The following PGBD5 variants were observed in gnomAD, a reference collection of about 807,000 sequenced individuals.
PGBD5 encodes the protein piggyBac transposable element-derived protein 5.
Under a neutral mutation model 47.9 loss-of-function variants are expected in PGBD5, and 14 were observed. The observed-to-expected ratio is 0.29, with a 90% confidence interval of 0.19 to 0.46. The LOEUF is 0.46. Ranked by LOEUF, PGBD5 falls within the 20% of genes least tolerant of loss-of-function variation. The probability of loss-of-function intolerance (pLI) is 1.00; values close to 1 mark genes in which losing one functional copy is unlikely to be tolerated. For synonymous variants in PGBD5, 316 were observed against 306.3 expected, an observed-to-expected ratio of 1.03 and a Z score of -0.33; for missense variants, 635 against 716.0, an observed-to-expected ratio of 0.89 and a Z score of 1.29.
chr1:230,373,033 A>C (rs977599767), intron 1 of PGBD5, among the ~76,000 whole-genome samples: 1 of 152,208 alleles, frequency 6.6e-6, no homozygotes, highest in African/African-American at 2.4e-5. Context: ...CACTTTAATA[A>C]AGGCTTCATG....
intron 5 of PGBD5, among the ~76,000 whole-genome samples, chr1:230,327,802 C>T (rs1282596089): frequency 6.6e-6 from 1 of 152,252 alleles, no homozygotes; most frequent in Non-Finnish European, 1.5e-5. Context: ...TTCCTGTCCC[C>T]GGCCCCTTAT....
chr1:230,331,395 G>A (rs531891306), intron 5 of PGBD5, among the ~76,000 whole-genome samples: 4 of 152,138 alleles, frequency 2.6e-5, no homozygotes, highest in East Asian at 1.9e-4. Flanking sequence ...CAGCCTGGGC[G>A]ACAGAGCAAC....
intron 1 of PGBD5, among the ~76,000 whole-genome samples, chr1:230,402,783 C>T (rs571030087): frequency 1.9e-4 from 29 of 152,298 alleles, no homozygotes; most frequent in South Asian, 1.0e-3. Context: ...CCCCAGTGCC[C>T]AGCCAGCAAC....
chr1:230,385,143 C>T (rs867390642), intron 1 of PGBD5, among the ~76,000 whole-genome samples: 1 of 152,152 alleles, frequency 6.6e-6, no homozygotes, highest in Middle Eastern at 3.4e-3. Flanking sequence ...TTCAGTCTCG[C>T]GCACGTGTTA....
rs546981493 is a variant in PGBD5, at chr1:230,422,298, C to G, written c.331+3300G>C. 9.4e-4 allele frequency among the ~76,000 whole-genome samples: 143 copies of G among 152,232 alleles called. 1 individual carries two copies. Among genetic ancestry groups the G allele is most frequent in the African/African-American group, 3.2e-3 (133 of 41,532 alleles). On this transcript the variant is annotated intron_variant, in intron 1 of 6. Coordinates refer to ENST00000391860, the MANE Select transcript of PGBD5 (RefSeq NM_001258311.2). ...CTCCTCCGAGAAACGAATCACAAGA[C>G]TGCTCAGAATAAGAAACCAAAAGGG... is the stretch of plus-strand genomic sequence containing the variant.
At chr1:230,423,434 C>T (rs999765120) in intron 1 of PGBD5, among the ~76,000 whole-genome samples, 1 of 152,130 alleles carries the variant, frequency 6.6e-6, no homozygotes, top group African/African-American at 2.4e-5. Context: ...CTCTGGTAAA[C>T]CCTAGCAGGC....
intron 6 of PGBD5, among the ~76,000 whole-genome samples, chr1:230,324,163 T>C (rs1381149641): frequency 6.6e-6 from 1 of 152,184 alleles, no homozygotes; most frequent in African/African-American, 2.4e-5. Flanking sequence ...TTGGGAGCAC[T>C]AGCCTCAGGC....
rs1657772447 is a variant in PGBD5, at chr1:230,425,946, G to C, written c.-18C>G. ...TCGGCCATGGCCCCGGCCGCCGCCC[G>C]CGCGCCCGCCCCCACAGTGCCTCCC... On this transcript the variant is annotated 5_prime_UTR_variant, in exon 1 of 7. Coordinates refer to ENST00000391860, the MANE Select transcript of PGBD5 (RefSeq NM_001258311.2). This position sits in a 1 kb window ranked among gnomAD's most constrained non-coding sequence, Gnocchi z 4.7. The C allele has an allele frequency of 7.2e-6, 6 of 830,238 alleles. No individual in the cohort carries two copies. The highest frequency in any genetic ancestry group is 1.2e-4 in the African/African-American group (2 of 16,282). The allele number at this position is 830,238 out of a possible 1,614,324, so 51.4% of individuals were successfully genotyped here.
chr1:230,347,610 T>G (rs12058094), intron 3 of PGBD5, among the ~76,000 whole-genome samples: 6,874 of 151,150 alleles, frequency 0.045, 391 homozygotes, highest in African/African-American at 0.13. Context: ...CTCCCAAGTA[T>G]CTGGGATTAC....
intron 2 of PGBD5, among the ~76,000 whole-genome samples, chr1:230,353,787 T>G (rs1571836302): frequency 6.6e-6 from 1 of 152,312 alleles, no homozygotes; most frequent in East Asian, 1.9e-4. Flanking sequence ...TCATTGCCTC[T>G]CTGTGAGCTG....
intron 3 of PGBD5, among the ~76,000 whole-genome samples, chr1:230,338,945 G>A (rs1667369232): frequency 6.6e-6 from 1 of 152,168 alleles, no homozygotes; most frequent in Non-Finnish European, 1.5e-5. Flanking sequence ...GGGCCCATGC[G>A]AGATAAGTTC....
intron 1 of PGBD5, among the ~76,000 whole-genome samples, chr1:230,390,328 T>C (rs982430412): frequency 6.6e-6 from 1 of 152,124 alleles, no homozygotes; most frequent in African/African-American, 2.4e-5. Flanking sequence ...CAGAGCTGGT[T>C]TCAGCTTCCT....
chr1:230,379,203 C>T (rs975278152), intron 1 of PGBD5, among the ~76,000 whole-genome samples: 18 of 152,146 alleles, frequency 1.2e-4, no homozygotes, highest in Non-Finnish European at 2.4e-4. Flanking sequence ...GCTGCCTGCC[C>T]AACCTGCTCT....
intron 1 of PGBD5, among the ~76,000 whole-genome samples, chr1:230,376,882 T>C (rs546811798): frequency 1.3e-3 from 195 of 152,320 alleles, no homozygotes; most frequent in Non-Finnish European, 2.4e-3. Flanking sequence ...AAAGGGATAA[T>C]CCTCCTTTGC....
intron 1 of PGBD5, among the ~76,000 whole-genome samples, chr1:230,416,344 C>T (rs1056130745): frequency 7.2e-5 from 11 of 152,072 alleles, no homozygotes; most frequent in African/African-American, 1.9e-4. Flanking sequence ...CATTTTTTAC[C>T]GGCACCGAAT....
intron 3 of PGBD5, among the ~76,000 whole-genome samples, chr1:230,348,798 G>A (rs891567775): frequency 4.2e-5 from 5 of 119,558 alleles, no homozygotes; most frequent in African/African-American, 1.7e-4. Flanking sequence ...AGGGACTGCG[G>A]GGGCTGAGAA....
chr1:230,374,342 G>A lies in PGBD5; in HGVS notation c.332-17021C>T, dbSNP rs189723263. The stretch of plus-strand genomic sequence containing the variant: ...TGAGGCAGGAGAACTGCTTGAACCC[G>A]GGTGGCAGAGGTTGCAGTGAGTGGA... On this transcript the variant is annotated intron_variant, in intron 1 of 6. Coordinates refer to ENST00000391860, the MANE Select transcript of PGBD5 (RefSeq NM_001258311.2). 7.2e-4 allele frequency among the ~76,000 whole-genome samples: 109 copies of A among 152,272 alleles called. No individual in the cohort carries two copies. In the Middle Eastern group the frequency reaches 0.02, roughly 29 times the overall value.
At position 230,399,643 on chromosome 1, in the gene PGBD5, G is replaced by A. The variant is rs1017566838; in HGVS notation, c.331+25955C>T. On this transcript the variant is annotated intron_variant, in intron 1 of 6. Transcript: ENST00000391860. ...ATCTGCTACCAGTGCTGCTCCCACC[G>A]TCACCAGTCGTGACCATAGGAATGT... Among the ~76,000 whole-genome samples, 38 of 152,276 alleles carry A rather than the reference G, an allele frequency of 2.5e-4. No individual in the cohort carries two copies. In the East Asian group the frequency reaches 2.5e-3, roughly 10 times the overall value.
At chr1:230,416,191 C>T (rs982055905) in intron 1 of PGBD5, among the ~76,000 whole-genome samples, 14 of 152,088 alleles carry the variant, frequency 9.2e-5, no homozygotes, top group African/African-American at 3.4e-4. Context: ...CCCCAGTAGC[C>T]ATCAAGTTTG....
Sources: gnomAD v4.1 joint callset for allele counts (sites outside exome capture counted in the v4.1 genomes callset) on GRCh38, gnomAD v4.1.1 for gene constraint, Gnocchi (gnomAD v3.1) non-coding constraint, MANE v1.5 for transcripts, NCBI Gene and HGNC (gene_info 2026-07-23, HGNC 2026-07-21) for gene names.